RGS6: variants seen among roughly 807,000 people sequenced by gnomAD.
RGS6 encodes the protein regulator of G protein signaling 6.
A neutral mutation model predicts 78.5 loss-of-function variants in RGS6; 30 were observed. That is an observed-to-expected ratio of 0.38 (90% CI 0.29 to 0.52). RGS6 has a LOEUF of 0.52. RGS6 is among the 20% of genes least tolerant of loss of function. The pLI, the probability that RGS6 is intolerant of heterozygous loss-of-function variation, is 0.85. For missense variants in RGS6, 495 were observed against 609.7 expected (o/e 0.81, Z 1.98); for synonymous variants, 206 against 206.0 (o/e 1.00, Z 0.00).
At chr14:72,455,338 C>T (rs1027278656) in intron 4 of RGS6, among the ~76,000 whole-genome samples, 2 of 152,168 alleles carry the variant, frequency 1.3e-5, no homozygotes, top group Non-Finnish European at 2.9e-5. Flanking sequence ...TGGACATTGG[C>T]GTGATTAGAC....
chr14:72,289,869 A>T (rs989813492), intron 2 of RGS6, among the ~76,000 whole-genome samples: 8 of 152,224 alleles, frequency 5.3e-5, no homozygotes, highest in African/African-American at 1.9e-4. Context: ...CAATGTCAAG[A>T]AGTGTAAACA....
intron 14 of RGS6, among the ~76,000 whole-genome samples, chr14:72,517,957 AG>A (rs1211870678): frequency 5.3e-5 from 8 of 152,312 alleles, no homozygotes; most frequent in African/African-American, 1.9e-4. Context: ...TAACTTGGGA[AG>A]GGGGGTTGCT....
chr14:72,546,159 C>T (rs936635006), intron 17 of RGS6, among the ~76,000 whole-genome samples: 2 of 152,176 alleles, frequency 1.3e-5, no homozygotes, highest in African/African-American at 2.4e-5. Context: ...GTATGAGAGA[C>T]AGTGTTATCC....
At chr14:71,888,418 C>CAA in the RGS6 span, among the ~76,000 whole-genome samples, 5,485 of 143,546 alleles carry the variant, frequency 0.038, 288 homozygotes, top group East Asian at 0.1. Context: ...AGCTCTGTCT[C>CAA]AAAAAAAAAA....
At chr14:72,423,411 T>G (rs1039016262) in intron 3 of RGS6, among the ~76,000 whole-genome samples, 2 of 152,088 alleles carry the variant, frequency 1.3e-5, no homozygotes, top group East Asian at 3.9e-4. Context: ...ATGGAAATAA[T>G]TGTTAACAAT....
At chr14:71,928,635 C>T (rs184526271), upstream of RGS6, among the ~76,000 whole-genome samples, 35 of 152,312 alleles carry the variant, frequency 2.3e-4, no homozygotes, top group Middle Eastern at 3.4e-3. Flanking sequence ...TTGAGAGCTA[C>T]GCCAATCAAT....
chr14:71,958,020 C>CAT (rs34880009), intron 1 of RGS6, among the ~76,000 whole-genome samples: 3,649 of 149,842 alleles, frequency 0.024, 105 homozygotes, highest in African/African-American at 0.077. Context: ...CTCATGCATG[C>CAT]ATATATATAT....
chr14:72,055,870 GT>G (rs2093594963), intron 2 of RGS6, among the ~76,000 whole-genome samples: 1 of 152,086 alleles, frequency 6.6e-6, no homozygotes, highest in South Asian at 2.1e-4. Flanking sequence ...GAGTTTTTTG[GT>G]TTTTGTTTTG....
chr14:72,411,445 A>G (rs1199248679), intron 3 of RGS6, among the ~76,000 whole-genome samples: 1 of 152,228 alleles, frequency 6.6e-6, no homozygotes, highest in East Asian at 1.9e-4. Flanking sequence ...GAAGTTGCTT[A>G]TCAGCTTAAG....
In RGS6 at chr14:72,107,610, A is replaced by G. The variant is rs558806263; in HGVS notation, c.84+142735A>G. Among the ~76,000 whole-genome samples the G allele has an allele frequency of 1.1e-4, 16 of 152,294 alleles. No homozygotes were observed. In the South Asian group the frequency reaches 2.9e-3, roughly 28 times the overall value. Reference sequence around the variant, plus strand: ...GCAAAACTGGGAAATATCCACTTCTATATCTATATAGCTTTTTCTATACCT... The same window carrying G: ...GCAAAACTGGGAAATATCCACTTCTGTATCTATATAGCTTTTTCTATACCT... On this transcript the variant is annotated intron_variant, in intron 2 of 17. Coordinates refer to ENST00000553525, the MANE Select transcript of RGS6 (RefSeq NM_001204424.2).
chr14:72,222,214 C>G (rs1477599834), intron 2 of RGS6, among the ~76,000 whole-genome samples: 1 of 152,220 alleles, frequency 6.6e-6, no homozygotes, highest in African/African-American at 2.4e-5. Flanking sequence ...TCCAAGAGAT[C>G]TGCTCTGCCT....
intron 11 of RGS6, among the ~76,000 whole-genome samples, chr14:72,477,492 A>T (rs2096267417): frequency 6.6e-6 from 1 of 152,026 alleles, no homozygotes; most frequent in Admixed American, 6.5e-5. Flanking sequence ...ATATATGAAA[A>T]AAAAAAGCTA....
intron 2 of RGS6, among the ~76,000 whole-genome samples, chr14:72,026,311 G>T (rs990058101): frequency 6.6e-6 from 1 of 152,096 alleles, no homozygotes; most frequent in Non-Finnish European, 1.5e-5. Context: ...GGAGGCTGAG[G>T]CAGAAGAATC....
At chr14:72,483,862 C>T (rs912756908) in intron 12 of RGS6, among the ~76,000 whole-genome samples, 18 of 152,094 alleles carry the variant, frequency 1.2e-4, no homozygotes, top group Admixed American at 5.9e-4. Context: ...CACCTTCATG[C>T]TCCTTCACTC....
At chr14:72,057,903 T>TCC (rs1404564623) in intron 2 of RGS6, among the ~76,000 whole-genome samples, 1 of 152,176 alleles carries the variant, frequency 6.6e-6, no homozygotes, top group East Asian at 1.9e-4. Flanking sequence ...AAATACTCTT[T>TCC]CCAAGTCTCT....
intron 2 of RGS6, among the ~76,000 whole-genome samples, chr14:72,098,174 G>A (rs1333405227): frequency 2.6e-5 from 4 of 152,006 alleles, no homozygotes; most frequent in African/African-American, 9.7e-5. Context: ...TTCCAAAACC[G>A]CCCCCATCCT....
At chr14:72,079,440 G>A (rs2094724412) in intron 2 of RGS6, among the ~76,000 whole-genome samples, 1 of 151,940 alleles carries the variant, frequency 6.6e-6, no homozygotes. Context: ...ATATATTTAT[G>A]TATACAACAT....
chr14:72,251,986 A>G (rs909328374), intron 2 of RGS6, among the ~76,000 whole-genome samples: 6 of 152,248 alleles, frequency 3.9e-5, no homozygotes, highest in African/African-American at 1.2e-4. Flanking sequence ...AACTAAGTTC[A>G]ATTCCTCATT....
At chr14:72,148,184 A>T (rs769316731) in intron 2 of RGS6, among the ~76,000 whole-genome samples, 2 of 149,854 alleles carry the variant, frequency 1.3e-5, no homozygotes, top group Non-Finnish European at 1.5e-5. Flanking sequence ...ACTTGAGGCC[A>T]GGAGTTCAAG....
Sources: allele counts gnomAD v4.1 joint callset (sites outside exome capture counted in the v4.1 genomes callset), GRCh38; gene constraint gnomAD v4.1.1; transcripts MANE v1.5; gene names NCBI Gene and HGNC (gene_info 2026-07-23, HGNC 2026-07-21).